Variants in USP53 observed in about 807,000 individuals in gnomAD.
USP53 encodes ubiquitin specific peptidase 53.
In USP53, 71 loss-of-function variants were observed where a neutral mutation model predicts 94.9. The ratio of observed to expected loss-of-function variants is 0.75; its 90% CI spans 0.62 to 0.91. The LOEUF (loss-of-function observed/expected upper bound fraction) is 0.91, where lower values mean the gene tolerates loss of function less well. Among genes scored for constraint, USP53 ranks in the 40% least tolerant of loss-of-function variants. USP53 has a pLI of 0.00. For synonymous variants in USP53, 375 were observed against 422.7 expected, an observed-to-expected ratio of 0.89 and a Z score of 1.39; for missense variants, 1,173 against 1,281.0, an observed-to-expected ratio of 0.92 and a Z score of 1.29.
intron 7 of USP53, among the ~76,000 whole-genome samples, chr4:119,252,240 G>A (rs1749110641): frequency 6.6e-6 from 1 of 152,152 alleles, no homozygotes; most frequent in African/African-American, 2.4e-5. Flanking sequence ...GGATGATGCT[G>A]GCCTCATAAA....
At chr4:119,241,798 C>G (rs1747583741) in intron 5 of USP53, among the ~76,000 whole-genome samples, 1 of 152,136 alleles carries the variant, frequency 6.6e-6, no homozygotes, top group Non-Finnish European at 1.5e-5. Flanking sequence ...AATAATTTTT[C>G]TGTCTCTTCC....
chr4:119,291,143 T>TCCCCCCCCCCC, intron 17 of USP53, 22 bp from the exon 18 acceptor site: 1 of 747,524 alleles, frequency 1.3e-6, no homozygotes, highest in Admixed American at 2.7e-5. Context: ...TCATCTCTTC[T>TCCCCCCCCCCC]CCCCACCCCA....
chr4:119,254,966 C>T (rs1749553793), intron 7 of USP53, among the ~76,000 whole-genome samples: 1 of 152,210 alleles, frequency 6.6e-6, no homozygotes, highest in African/African-American at 2.4e-5. Flanking sequence ...AGTTTTCCTT[C>T]TAACAGACAG....
At chr4:119,242,572 G>T (rs1029781159) in intron 5 of USP53, among the ~76,000 whole-genome samples, 1 of 152,126 alleles carries the variant, frequency 6.6e-6, no homozygotes, top group Non-Finnish European at 1.5e-5. Flanking sequence ...AAATACTGGA[G>T]GAGGATCCTC....
intron 3 of USP53, chr4:119,219,728 T>C (rs1179758785): frequency 1.3e-5 from 2 of 152,244 alleles, no homozygotes; most frequent in Non-Finnish European, 2.9e-5. Context: ...TTATATAGCA[T>C]GGTGAAGATT....
In USP53 at chr4:119,273,735, T is replaced by G. The variant is rs1393470787; in HGVS notation, c.2251+27T>G. ...TAAAAAACTTATTTGAATATAATAG[T>G]TGCTGTAAAAAATGAATTATAGTAA... On this transcript the variant is annotated intron_variant, in intron 17 of 18. Coordinates refer to ENST00000692078, the MANE Select transcript of USP53 (RefSeq NM_001371395.1). The G allele has an allele frequency of 1.9e-6, 3 of 1,567,500 alleles. No homozygotes were observed. In the Admixed American group the frequency reaches 5.1e-5, roughly 27 times the overall value.
chr4:119,289,410 A>T (rs1190770520), intron 17 of USP53, among the ~76,000 whole-genome samples: 3 of 152,214 alleles, frequency 2.0e-5, no homozygotes, highest in Non-Finnish European at 4.4e-5. Flanking sequence ...GTAAAGTAAC[A>T]TCTTAATATT....
In USP53 at chr4:119,239,351, A is replaced by G. The variant is rs1747219114; in HGVS notation, c.-409A>G. 5.9e-6 allele frequency: 1 copy of G among 169,066 alleles called. No individual in the cohort carries two copies. Among genetic ancestry groups the G allele is most frequent in the Admixed American group, 6.3e-5 (1 of 15,814 alleles). 10.5% of individuals were successfully genotyped at this position (169,066 alleles called of 1,614,324 possible). A position where few individuals can be genotyped will look rare whatever the true frequency, so the allele number is the denominator to read the frequency against. ...ACCAAAGGAATCATGCCAAATGCCA[A>G]CTCTACATCTTTTTGTATTATTAAC... On this transcript the variant is annotated 5_prime_UTR_variant, in exon 5 of 19. Transcript: ENST00000692078.
At chr4:119,277,082 T>C (rs199700221) in intron 17 of USP53, among the ~76,000 whole-genome samples, 9,994 of 87,582 alleles carry the variant, frequency 0.11, 265 homozygotes, top group Middle Eastern at 0.19. Context: ...TGAAGGTTTT[T>C]TTGTGTCTCT....
chr4:119,257,070 G>A (rs142591116), intron 9 of USP53, among the ~76,000 whole-genome samples: 29 of 152,218 alleles, frequency 1.9e-4, no homozygotes, highest in African/African-American at 6.7e-4. Context: ...AGATTAGCTC[G>A]TTAAGGATCT....
At chr4:119,215,246 T>C (rs1156522168) in intron 2 of USP53, among the ~76,000 whole-genome samples, 1 of 152,074 alleles carries the variant, frequency 6.6e-6, no homozygotes, top group Non-Finnish European at 1.5e-5. Flanking sequence ...ACAAATATAG[T>C]ATTATTATAT....
rs200674564 is a variant in USP53 at position 119,271,314 on chromosome 4, T to C, written c.1454T>C (p.Leu485Pro). The change falls in exon 16 of 19, where the codon CTT becomes CCT. Residue 485 changes from leucine to proline, a missense_variant. Transcript: ENST00000692078. ...TTTTAAGATTTGGTTGATGAAGACC[T>C]TTCACATTTCCAATCTGGATCACCT... ...GRHRDLVDED[L>P]SHFQSGSPPA... The C allele has an allele frequency of 6.5e-4, 1,013 of 1,565,132 alleles. 4 individuals carry two copies. The highest frequency in any genetic ancestry group is 2.0e-3 in the South Asian group (169 of 82,510).
intron 3 of USP53, chr4:119,221,226 C>T (rs1355124562): frequency 1.3e-5 from 2 of 152,096 alleles, no homozygotes; most frequent in Non-Finnish European, 2.9e-5. Context: ...CAAATAGTTA[C>T]TTATATTAGG....
In USP53 at chr4:119,268,382, A is replaced by G; in HGVS notation, c.1250A>G (p.Asn417Ser). ...KFPTDNISSS[N>S]RSHSHTGVGK... ...CCAACTGATAATATTTCATCATCTA[A>G]TCGGAGCCACAGTCACACAGGTGTA... Residue 417 changes from asparagine to serine, a missense_variant, in exon 14 of 19, where the codon AAT (asparagine) becomes AGT (serine). By Grantham distance (46) the Asn-to-Ser change is conservative. Coordinates refer to ENST00000692078, the MANE Select transcript of USP53 (RefSeq NM_001371395.1). The G allele has an allele frequency of 1.2e-6, 2 of 1,613,984 alleles. No homozygotes were observed. The highest frequency in any genetic ancestry group is 1.7e-6 in the Non-Finnish European group (2 of 1,179,904).
rs1743043881 is a variant in USP53, at chr4:119,212,874, G to C, written c.-942+1G>C. 5.3e-6 allele frequency: 1 copy of C among 189,874 alleles called. No homozygotes were observed. The highest frequency in any genetic ancestry group is 1.1e-5 in the Non-Finnish European group (1 of 87,906). The allele number at this position is 189,874 out of a possible 1,614,324, so 11.8% of individuals were successfully genotyped here. ...TCGCGCAAGGAGGGTAGAGCTCAAG[G>C]TAAGTCTCCGAAACTAGCCCTCTGG... On this transcript the variant is annotated splice_donor_variant, in intron 1 of 18. Coordinates refer to ENST00000692078, the MANE Select transcript of USP53 (RefSeq NM_001371395.1). LOFTEE classifies it low-confidence loss of function (5UTR_SPLICE).
At chr4:119,213,660 A>ATATATGTGTGTGTGTGTGTGTGTG in intron 1 of USP53, among the ~76,000 whole-genome samples, 1,540 of 117,670 alleles carry the variant, frequency 0.013, 63 homozygotes, top group African/African-American at 0.052. Context: ...ATATATATAT[A>ATATATGTGTGTGTGTGTGTGTGTG]TGTGTGTGTG....
At chr4:119,283,933 C>T (rs560211008) in intron 17 of USP53, among the ~76,000 whole-genome samples, 20 of 151,674 alleles carry the variant, frequency 1.3e-4, no homozygotes, top group South Asian at 4.2e-4. Flanking sequence ...AATTGGAGAT[C>T]GAAGGGCAAG....
chr4:119,268,738 T>G (rs1751490796), intron 14 of USP53, among the ~76,000 whole-genome samples: 1 of 152,218 alleles, frequency 6.6e-6, no homozygotes. Flanking sequence ...AAAACATGAG[T>G]TAGTAATTTG....
chr4:119,262,265 T>G (rs1254055140), intron 12 of USP53, among the ~76,000 whole-genome samples: 1 of 152,204 alleles, frequency 6.6e-6, no homozygotes, highest in Non-Finnish European at 1.5e-5. Flanking sequence ...TATGACAATT[T>G]TTTTCAAATT....
Sources: allele counts gnomAD v4.1 joint callset (sites outside exome capture counted in the v4.1 genomes callset), GRCh38; gene constraint gnomAD v4.1.1; transcripts MANE v1.5; gene names NCBI Gene and HGNC (gene_info 2026-07-23, HGNC 2026-07-21).